PALM2AKAP2: variants seen among roughly 807,000 people sequenced by gnomAD.
PALM2AKAP2 encodes PALM2-AKAP2 fusion protein.
In PALM2AKAP2, 37 loss-of-function variants were observed where a neutral mutation model predicts 71.5. That is an observed-to-expected ratio of 0.52 (90% CI 0.40 to 0.68). The LOEUF (loss-of-function observed/expected upper bound fraction) is 0.68. Ranked by LOEUF, PALM2AKAP2 falls within the 30% of genes least tolerant of loss-of-function variation. PALM2AKAP2 has a pLI of 0.00. For synonymous variants in PALM2AKAP2, 468 were observed against 478.8 expected (o/e 0.98, Z 0.29); for missense variants, 1,224 against 1,191.8 (o/e 1.03, Z -0.40).
At chr9:110,005,183 G>A (rs1832753945) in intron 6 of PALM2AKAP2, among the ~76,000 whole-genome samples, 1 of 152,168 alleles carries the variant, frequency 6.6e-6, no homozygotes, top group Non-Finnish European at 1.5e-5. Context: ...TTTGATGATG[G>A]TGATGTACAG....
chr9:109,875,671 C>T (rs1051577370), intron 2 of PALM2AKAP2, among the ~76,000 whole-genome samples: 5 of 152,154 alleles, frequency 3.3e-5, no homozygotes, highest in Non-Finnish European at 7.3e-5. Context: ...CCTGGGAGGT[C>T]GTTAAAATTC....
At chr9:109,887,858 G>C (rs1324180630) in intron 3 of PALM2AKAP2, among the ~76,000 whole-genome samples, 2 of 152,184 alleles carry the variant, frequency 1.3e-5, no homozygotes, top group South Asian at 4.1e-4. Flanking sequence ...CTCTGATATT[G>C]AGTGAAATTA....
intron 1 of PALM2AKAP2, among the ~76,000 whole-genome samples, chr9:109,731,387 C>T (rs1828554796): frequency 6.6e-6 from 1 of 152,172 alleles, no homozygotes. Flanking sequence ...CTGTTGATCT[C>T]ATCTTCCTAC....
intron 6 of PALM2AKAP2, among the ~76,000 whole-genome samples, chr9:109,971,314 T>TA (rs1483176392): frequency 1.7e-5 from 2 of 118,262 alleles, no homozygotes; most frequent in South Asian, 5.8e-4. Flanking sequence ...TTTTTTTTTT[T>TA]ACAGAGAAAA....
intron 1 of PALM2AKAP2, among the ~76,000 whole-genome samples, chr9:109,787,841 T>C (rs1827009646): frequency 6.6e-6 from 1 of 152,212 alleles, no homozygotes. Flanking sequence ...TTTGTGACCT[T>C]TAGATATAGA....
intron 1 of PALM2AKAP2, among the ~76,000 whole-genome samples, chr9:110,064,869 A>G (rs966226892): frequency 1.3e-5 from 2 of 152,198 alleles, no homozygotes; most frequent in African/African-American, 4.8e-5. Flanking sequence ...ACCAGATATC[A>G]GGGCCCTCCA....
chr9:110,137,466 C>T (rs1309656824), exon 2 of PALM2AKAP2: 8 of 1,613,914 alleles, frequency 5.0e-6, no homozygotes, highest in Non-Finnish European at 6.8e-6. Flanking sequence ...GGCAACACAG[C>T]CTCTCAGGGG....
intron 1 of PALM2AKAP2, among the ~76,000 whole-genome samples, chr9:110,123,435 C>T (rs537414811): frequency 6.6e-6 from 1 of 152,178 alleles, no homozygotes; most frequent in Non-Finnish European, 1.5e-5. Flanking sequence ...CCTAGTCATA[C>T]TGGATTAGGG....
chr9:109,678,013 A>C (rs1181422887), intron 1 of PALM2AKAP2, among the ~76,000 whole-genome samples: 1 of 152,194 alleles, frequency 6.6e-6, no homozygotes, highest in East Asian at 1.9e-4. Context: ...AATTGCCTCT[A>C]AGCTTGTTAG....
chr9:109,819,697 GTGTGTGTA>G (rs879935433), intron 1 of PALM2AKAP2, among the ~76,000 whole-genome samples: 11,126 of 115,162 alleles, frequency 0.097, 1,137 homozygotes, highest in African/African-American at 0.32. Context: ...AATTATGTGT[GTGTGTGTA>G]TGTGTGTGTG....
chr9:110,135,299 C>CA (rs71373970), intron 1 of PALM2AKAP2, among the ~76,000 whole-genome samples: 87 of 7,254 alleles, frequency 0.012, 20 homozygotes, highest in African/African-American at 0.028. Context: ...AATCCCATCT[C>CA]AAAAAAAAAA....
At chr9:110,052,234 C>G (rs1187102888) in intron 1 of PALM2AKAP2, among the ~76,000 whole-genome samples, 2 of 152,126 alleles carry the variant, frequency 1.3e-5, no homozygotes, top group African/African-American at 2.4e-5. Flanking sequence ...AAACTCAACA[C>G]CCAGAGGCAG....
chr9:109,767,358 T>G (rs1254260722), intron 1 of PALM2AKAP2, among the ~76,000 whole-genome samples: 2 of 152,172 alleles, frequency 1.3e-5, no homozygotes, highest in Admixed American at 1.3e-4. Flanking sequence ...GAGTCCCTTT[T>G]GCCATTGGAG....
intron 1 of PALM2AKAP2, among the ~76,000 whole-genome samples, chr9:110,088,759 G>A (rs10465105): frequency 0.21 from 26,393 of 122,932 alleles, 3,398 homozygotes; most frequent in African/African-American, 0.39. Flanking sequence ...TCACTCTGTC[G>A]CCCAGGCTGG....
intron 7 of PALM2AKAP2, among the ~76,000 whole-genome samples, chr9:110,031,237 C>T (rs1833272456): frequency 6.6e-6 from 1 of 152,134 alleles, no homozygotes; most frequent in Admixed American, 6.6e-5. Context: ...TTTCTTGTGC[C>T]TTAGCCTCTA....
chr9:109,729,520 C>T (rs981828073), intron 1 of PALM2AKAP2, among the ~76,000 whole-genome samples: 5 of 152,170 alleles, frequency 3.3e-5, no homozygotes, highest in Non-Finnish European at 7.4e-5. Flanking sequence ...TGTTTCCTCA[C>T]CAGTTGATTG....
intron 7 of PALM2AKAP2, among the ~76,000 whole-genome samples, chr9:110,022,621 A>G (rs1277453174): frequency 1.3e-5 from 2 of 151,374 alleles, no homozygotes; most frequent in African/African-American, 4.9e-5. Flanking sequence ...GTACATGTGC[A>G]CAATGTGCAG....
intron 1 of PALM2AKAP2, among the ~76,000 whole-genome samples, chr9:109,771,562 C>G (rs911186854): frequency 2.0e-5 from 3 of 152,186 alleles, no homozygotes; most frequent in Non-Finnish European, 4.4e-5. Flanking sequence ...AGGGAAGTTT[C>G]ATAATGATGG....
intron 3 of PALM2AKAP2, 29 bp downstream of exon 9, chr9:110,156,526 T>A: frequency 1.3e-6 from 2 of 1,573,754 alleles, no homozygotes; most frequent in Non-Finnish European, 1.7e-6. Flanking sequence ...CCTCTTTCAC[T>A]TCTCTGAGCG....
Sources: allele counts gnomAD v4.1 joint callset (sites outside exome capture counted in the v4.1 genomes callset), GRCh38; gene constraint gnomAD v4.1.1; transcripts MANE v1.5; gene names NCBI Gene and HGNC (gene_info 2026-07-23, HGNC 2026-07-21).